Variants in RASL12 observed in about 807,000 individuals in gnomAD.
The protein encoded by RASL12 is ras-like protein family member 12.
A neutral mutation model predicts 22.9 loss-of-function variants in RASL12; 16 were observed. The observed-to-expected ratio is 0.70, with a 90% CI of 0.47 to 1.06. The LOEUF is 1.06. Ranked by LOEUF, RASL12 falls within the 50% of genes least tolerant of loss-of-function variation. The pLI, the probability that RASL12 is intolerant of heterozygous loss-of-function variation, is 0.00. For missense variants in RASL12, 306 were observed against 353.1 expected, an observed-to-expected ratio of 0.87 and a Z score of 1.07; for synonymous variants, 159 against 152.2, an observed-to-expected ratio of 1.04 and a Z score of -0.33.
At chr15:65,053,030 G>T, downstream of RASL12, 1 of 1,613,926 alleles carries the variant, frequency 6.2e-7, no homozygotes, top group East Asian at 2.2e-5. Flanking sequence ...TGAGGCCAAG[G>T]ATCACAACAG....
downstream of RASL12, chr15:65,051,526 A>C (rs757491186): frequency 4.3e-6 from 7 of 1,613,660 alleles, no homozygotes; most frequent in Non-Finnish European, 5.9e-6. Context: ...ATCTCCCTGG[A>C]ATCATTCCAT....
At chr15:65,059,125 C>G (rs866630763) in intron 3 of RASL12, among the ~76,000 whole-genome samples, 5 of 152,212 alleles carry the variant, frequency 3.3e-5, no homozygotes, top group Non-Finnish European at 5.9e-5. Flanking sequence ...AGAGCAGATG[C>G]CAGCAACCAT....
At chr15:65,057,931 C>G (rs2086752750) in intron 4 of RASL12, among the ~76,000 whole-genome samples, 1 of 152,216 alleles carries the variant, frequency 6.6e-6, no homozygotes, top group Non-Finnish European at 1.5e-5. Flanking sequence ...CGTTTCCCTT[C>G]AAGTCCTTGG....
At chr15:65,065,315 T>C (rs1453354053) in intron 1 of RASL12, 42 bp from the exon 2 acceptor site, 2 of 1,585,472 alleles carry the variant, frequency 1.3e-6, no homozygotes, top group Admixed American at 1.8e-5. Flanking sequence ...TCCGCGGCCA[T>C]GTCTAGCTGC....
chr15:65,051,617 G>A (rs764140819), downstream of RASL12: 1 of 1,612,462 alleles, frequency 6.2e-7, no homozygotes, highest in South Asian at 1.1e-5. Flanking sequence ...TGAGGAGCTG[G>A]TCCTGGGGGG....
chr15:65,065,126 G>T, intron 2 of RASL12, 91 bp downstream of exon 2: 1 of 1,248,956 alleles, frequency 8.0e-7, no homozygotes, highest in Non-Finnish European at 1.1e-6. Flanking sequence ...CAGACATGCA[G>T]TCCTGGTCAG....
At chr15:65,064,973 T>C (rs1053664878) in intron 2 of RASL12, among the ~76,000 whole-genome samples, 1 of 152,236 alleles carries the variant, frequency 6.6e-6, no homozygotes, top group Non-Finnish European at 1.5e-5. Flanking sequence ...CCTCATATTT[T>C]AGGGTAAATC....
rs2086689696 is a variant in RASL12, at chr15:65,053,702, C to T, written c.*1197G>A. On this transcript the variant is annotated 3_prime_UTR_variant, in exon 5 of 5. Transcript: ENST00000220062. ...TCCACCCACCAGGACCCTCTCTTTTCCCTGCTTGTCTGCTAAGAGTCTGTG... is the reference window on the plus strand; with the variant it reads ...TCCACCCACCAGGACCCTCTCTTTTTCCTGCTTGTCTGCTAAGAGTCTGTG... 17 of 988,292 alleles carry T rather than the reference C, an allele frequency of 1.7e-5. No homozygotes were observed. The highest frequency in any genetic ancestry group is 2.0e-5 in the Non-Finnish European group (17 of 831,700). 61.2% of individuals were successfully genotyped at this position (988,292 alleles called of 1,614,324 possible).
intron 4 of RASL12, among the ~76,000 whole-genome samples, chr15:65,056,347 A>G (rs1437359701): frequency 2.0e-5 from 3 of 152,164 alleles, no homozygotes; most frequent in Non-Finnish European, 4.4e-5. Flanking sequence ...GTGCCACTCC[A>G]TGGTGAGGCA....
intron 1 of RASL12, among the ~76,000 whole-genome samples, chr15:65,075,045 G>C (rs1490870164): frequency 6.6e-6 from 1 of 152,240 alleles, no homozygotes; most frequent in East Asian, 1.9e-4. Context: ...AGCGGGAACC[G>C]GGGCTGCGTG....
intron 1 of RASL12, among the ~76,000 whole-genome samples, chr15:65,066,654 T>C (rs1386002773): frequency 6.6e-6 from 1 of 152,222 alleles, no homozygotes; most frequent in African/African-American, 2.4e-5. Flanking sequence ...GGCTAAACGG[T>C]ACCGGTTACA....
At position 65,055,117 on chromosome 15, in the gene RASL12, G is replaced by T. The variant is rs1024774436; in HGVS notation, c.583C>A (p.Pro195Thr). 5.0e-6 allele frequency: 8 copies of T among 1,610,862 alleles called. No homozygotes were observed. Among genetic ancestry groups the T allele is most frequent in the African/African-American group, 1.3e-5 (1 of 74,910 alleles). The change falls in exon 5 of 5, where the codon CCC (proline) becomes ACC (threonine). Residue 195 changes from proline (P) to threonine (T), a missense_variant. By Grantham distance (38) the Pro-to-Thr change is conservative (BLOSUM62 -1). Coordinates refer to ENST00000220062, the MANE Select transcript of RASL12 (RefSeq NM_016563.4). ...RELEKSPLTR[P>T]LFISEERALP... ...GCCCTCTCCTCGGAGATGAAGAGGG[G>T]CCGGGTCAGGGGGCTCTTCTCCAGC...
intron 4 of RASL12, 86 bp from the exon 5 acceptor site, chr15:65,055,360 G>A: frequency 7.9e-7 from 1 of 1,272,090 alleles, no homozygotes; most frequent in Non-Finnish European, 1.1e-6. Flanking sequence ...GCGCCCCATG[G>A]ACTAGCTGGG....
chr15:65,052,429 GTCTC>G (rs1262539599), downstream of RASL12, among the ~76,000 whole-genome samples: 4 of 119,054 alleles, frequency 3.4e-5, no homozygotes, highest in African/African-American at 1.3e-4. Context: ...TTTTGAGACA[GTCTC>G]TCTATTGCCC....
At chr15:65,068,986 C>T (rs1489491319), upstream of RASL12, among the ~76,000 whole-genome samples, 1 of 152,214 alleles carries the variant, frequency 6.6e-6, no homozygotes. The surrounding 1 kb of genome is among the most constrained non-coding windows in gnomAD (Gnocchi z 4.2). Flanking sequence ...TGAGGCATCT[C>T]TTCTGGAGTA....
chr15:65,076,112 C>T (rs1464789100), intron 1 of RASL12, among the ~76,000 whole-genome samples: 2 of 152,218 alleles, frequency 1.3e-5, no homozygotes, highest in African/African-American at 4.8e-5. Context: ...CTTGGCTCTA[C>T]CAATCAGCAG....
intron 1 of RASL12, among the ~76,000 whole-genome samples, chr15:65,073,543 G>T (rs4627285): frequency 6.6e-6 from 1 of 152,156 alleles, no homozygotes; most frequent in Non-Finnish European, 1.5e-5. Context: ...GATGGGGAGC[G>T]GCTGTAAATA....
exon 1 of RASL12, chr15:65,076,593 T>G (rs2086971842): frequency 1.4e-6 from 1 of 703,964 alleles, no homozygotes; most frequent in Non-Finnish European, 2.6e-6. Context: ...GACCCATTAT[T>G]ACCATTTCTT....
At chr15:65,065,065 A>C in intron 2 of RASL12, 152 bp downstream of exon 2, 1 of 672,568 alleles carries the variant, frequency 1.5e-6, no homozygotes, top group Non-Finnish European at 2.5e-6. Context: ...GACACTTAAA[A>C]CATTTTCCCC....
Sources: allele counts gnomAD v4.1 joint callset (sites outside exome capture counted in the v4.1 genomes callset), GRCh38; gene constraint gnomAD v4.1.1; non-coding constraint Gnocchi (gnomAD v3.1); transcripts MANE v1.5; gene names NCBI Gene and HGNC (gene_info 2026-07-23, HGNC 2026-07-21).